CD4: variants seen among roughly 807,000 people sequenced by gnomAD.
CD4 encodes T-cell surface glycoprotein CD4.
Under a neutral mutation model 50.5 loss-of-function variants are expected in CD4, and 25 were observed. The observed-to-expected ratio is 0.49, with a 90% CI of 0.36 to 0.69. The LOEUF is 0.69. Ranked by LOEUF, CD4 falls within the 30% of genes least tolerant of loss-of-function variation. The pLI is 0.00. For missense variants in CD4, 456 were observed against 548.5 expected (o/e 0.83, Z 1.68); for synonymous variants, 207 against 221.9 (o/e 0.93, Z 0.60).
intron 3 of CD4, among the ~76,000 whole-genome samples, chr12:6,803,361 G>T (rs1336056103): frequency 6.6e-6 from 1 of 151,630 alleles, no homozygotes; most frequent in Non-Finnish European, 1.5e-5. Context: ...GTTGACCAGG[G>T]TGGTCTGGAA....
intron 3 of CD4, among the ~76,000 whole-genome samples, chr12:6,801,864 A>T (rs1555115402): frequency 7.5e-6 from 1 of 134,228 alleles, no homozygotes; most frequent in Non-Finnish European, 1.6e-5. Flanking sequence ...CCGGCCCAGA[A>T]TCATTTTTTT....
At chr12:6,798,096 T>C (rs1450483007) in intron 1 of CD4, among the ~76,000 whole-genome samples, 1 of 151,992 alleles carries the variant, frequency 6.6e-6, no homozygotes, top group Non-Finnish European at 1.5e-5. Context: ...CCTTCCACAG[T>C]GTATTGTGTC....
intron 3 of CD4, among the ~76,000 whole-genome samples, chr12:6,808,482 A>AAAAAAT (rs1942841700): frequency 2.2e-5 from 3 of 135,358 alleles, no homozygotes; most frequent in Non-Finnish European, 4.6e-5. Flanking sequence ...AAAAAAAAAA[A>AAAAAAT]GTGAAGTTTA....
Position 6,819,278 on chromosome 12 carries a change from CCTT to C in CD4, c.1347-14_1347-12del, listed in dbSNP as rs1943206792. On this transcript the variant is annotated intron_variant, in intron 9 of 9. Coordinates refer to ENST00000011653, the MANE Select transcript of CD4 (RefSeq NM_000616.5). ...GTTGCAGTGGGGACAGACCTGCTCCCCTTCTTCTTTGTTCCTGCAGCCGGTTTC... is the reference window on the plus strand; with the variant it reads ...GTTGCAGTGGGGACAGACCTGCTCCCCTTCTTTGTTCCTGCAGCCGGTTTC... 2 of 1,614,004 alleles carry C rather than the reference CCTT, an allele frequency of 1.2e-6. No homozygotes were observed. Among genetic ancestry groups the C allele is most frequent in the Non-Finnish European group, 8.5e-7 (1 of 1,179,882 alleles).
rs1292897317 is a variant in CD4 at position 6,819,439 on chromosome 12, C to T, written c.*110C>T. On this transcript the variant is annotated 3_prime_UTR_variant, in exon 10 of 10. Coordinates refer to ENST00000011653, the MANE Select transcript of CD4 (RefSeq NM_000616.5). ...GATCCCCAGCCTCTGGCCTCCTGTT[C>T]GCCTCCTCTACAATTTGCCATTGTT... 12 of 1,008,290 alleles carry T rather than the reference C, an allele frequency of 1.2e-5. No individual in the cohort carries two copies. The highest frequency in any genetic ancestry group is 1.0e-4 in the South Asian group (8 of 77,776). The allele number at this position is 1,008,290 out of a possible 1,614,324, so 62.5% of individuals were successfully genotyped here.
intron 3 of CD4, among the ~76,000 whole-genome samples, chr12:6,804,054 T>C (rs782286763): frequency 9.8e-4 from 148 of 151,660 alleles, no homozygotes; most frequent in African/African-American, 3.2e-3. Context: ...GAGGTTGCAG[T>C]GAGCTGAGAT....
At position 6,816,278 on chromosome 12, in the gene CD4, A is replaced by C. The variant is rs1555117930; in HGVS notation, c.830A>C (p.Lys277Thr). 6.2e-7 allele frequency: 1 copy of C among 1,614,218 alleles called. No individual in the cohort carries two copies. The highest frequency in any genetic ancestry group is 1.7e-5 in the Admixed American group (1 of 60,036). Residue 277 changes from lysine to threonine, a missense_variant, in exon 6 of 10, where the codon AAG becomes ACG. By Grantham distance (78) the Lys-to-Thr change is moderately conservative. Coordinates refer to ENST00000011653, the MANE Select transcript of CD4 (RefSeq NM_000616.5). The surrounding 1 kb of genome is among the most constrained non-coding windows in gnomAD (Gnocchi z 4.9). ...TQDPKLQMGK[K>T]LPLHLTLPQA... ...GACCCTAAGCTCCAGATGGGCAAGAAGCTCCCGCTCCACCTCACCCTGCCC... is the reference window on the plus strand; with the variant it reads ...GACCCTAAGCTCCAGATGGGCAAGACGCTCCCGCTCCACCTCACCCTGCCC...
rs782556070 is a variant in CD4, at chr12:6,817,299, G to A, written c.1125G>A (p.Ser375=). 2.6e-6 allele frequency: 4 copies of A among 1,566,686 alleles called. No homozygotes were observed. The highest frequency in any genetic ancestry group is 1.4e-5 in the African/African-American group (1 of 73,688). Residue 375 remains serine (S), a synonymous_variant, in exon 7 of 10, where the codon TCG becomes TCA. Transcript: ENST00000011653. Reference sequence around the variant, plus strand: ...TGTGGCAGTGTCTGCTGAGTGACTCGGGACAGGTCCTGCTGGAATCCAACA... The same window carrying A: ...TGTGGCAGTGTCTGCTGAGTGACTCAGGACAGGTCCTGCTGGAATCCAACA... ...AGMWQCLLSD[S]GQVLLESNIK...
At chr12:6,819,218 T>C in intron 9 of CD4, 81 bp from the exon 10 acceptor site, 2 of 1,403,408 alleles carry the variant, frequency 1.4e-6, no homozygotes, top group South Asian at 2.3e-5. Context: ...TGTGCTGCGC[T>C]GGAAAGGCCA....
At chr12:6,817,409 C>T (rs1471232608) in intron 7 of CD4, 79 bp downstream of exon 7, 12 of 1,274,674 alleles carry the variant, frequency 9.4e-6, no homozygotes, top group South Asian at 3.9e-5. Context: ...CCCAGAGTCC[C>T]GGCCTCCCAA....
At chr12:6,795,056 G>A (rs952979860) in intron 1 of CD4, among the ~76,000 whole-genome samples, 3 of 151,308 alleles carry the variant, frequency 2.0e-5, no homozygotes, top group East Asian at 2.0e-4. Context: ...AAAGTGCTGG[G>A]AGTACAGGTG....
rs1250342652 is a variant in CD4 at position 6,815,904 on chromosome 12, T to C, written c.608-152T>C. 3.1e-5 allele frequency: 47 copies of C among 1,520,302 alleles called. No homozygotes were observed. The Admixed American group carries it at 8.4e-4, about 27-fold the overall frequency. The allele number at this position is 1,520,302 out of a possible 1,614,324, so 94.2% of individuals were successfully genotyped here. The stretch of plus-strand genomic sequence containing the variant: ...AAGAAGGGAGAGAAGGCTGGAGAGG[T>C]AGGAAGGAACTGAAGTATCTGAAGT... On this transcript the variant is annotated intron_variant, in intron 5 of 9. Coordinates refer to ENST00000011653, the MANE Select transcript of CD4 (RefSeq NM_000616.5).
chr12:6,818,822 G>T lies in CD4; in HGVS notation c.1279-25G>T, dbSNP rs782528984. The stretch of plus-strand genomic sequence containing the variant: ...CCTTCTGGAGGCCTGGGACCCTCGT[G>T]ACTCCCTTTCTTGTCCCTGGACAGC... On this transcript the variant is annotated intron_variant, in intron 8 of 9. Coordinates refer to ENST00000011653, the MANE Select transcript of CD4 (RefSeq NM_000616.5). The surrounding 1 kb of genome is among the most constrained non-coding windows in gnomAD (Gnocchi z 5.0). The T allele has an allele frequency of 4.4e-6, 7 of 1,609,036 alleles. No homozygotes were observed. The highest frequency in any genetic ancestry group is 1.1e-5 in the South Asian group (1 of 90,946).
intron 3 of CD4, among the ~76,000 whole-genome samples, chr12:6,807,083 TG>T (rs1283613326): frequency 8.6e-5 from 13 of 151,850 alleles, no homozygotes; most frequent in African/African-American, 3.1e-4. Context: ...AGGAGAATGG[TG>T]TGAACCCGGG....
chr12:6,805,856 C>A (rs1029670360), intron 3 of CD4, among the ~76,000 whole-genome samples: 1 of 151,996 alleles, frequency 6.6e-6, no homozygotes. Context: ...GTGGGAAGAT[C>A]GCTTGAGCCC....
intron 3 of CD4, among the ~76,000 whole-genome samples, chr12:6,805,943 G>T (rs1228764031): frequency 6.6e-6 from 1 of 151,878 alleles, no homozygotes; most frequent in Admixed American, 6.6e-5. Flanking sequence ...GACAAAGGGA[G>T]ACCCTGTCTC....
chr12:6,803,970 G>A (rs1386104618), intron 3 of CD4, among the ~76,000 whole-genome samples: 3 of 151,346 alleles, frequency 2.0e-5, no homozygotes, highest in African/African-American at 4.9e-5. Flanking sequence ...AGTCATCCAG[G>A]TGTGGTGGCA....
In CD4 at chr12:6,792,977, AAGAG is replaced by A. The variant is rs948388377; in HGVS notation, c.-68+3325_-68+3328del. ...GCAAGGAGGGAGAGAGAGAGACAGA[AAGAG>A]AGAGAGAGACGTGCCAGGGCTTGAG... On this transcript the variant is annotated intron_variant, in intron 1 of 9. Transcript: ENST00000011653. The surrounding 1 kb of genome is among the most constrained non-coding windows in gnomAD (Gnocchi z 4.1). Among the ~76,000 whole-genome samples, 1 of 151,758 alleles carries A rather than the reference AAGAG, an allele frequency of 6.6e-6. No individual in the cohort carries two copies. The highest frequency in any genetic ancestry group is 2.4e-5 in the African/African-American group (1 of 41,418).
chr12:6,817,786 C>T (rs781949802), intron 7 of CD4, among the ~76,000 whole-genome samples: 6 of 147,626 alleles, frequency 4.1e-5, no homozygotes, highest in African/African-American at 1.5e-4. Flanking sequence ...ACACTCACAC[C>T]CACACTCTCA....
Sources: allele counts gnomAD v4.1 joint callset (sites outside exome capture counted in the v4.1 genomes callset), GRCh38; gene constraint gnomAD v4.1.1; non-coding constraint Gnocchi (gnomAD v3.1); transcripts MANE v1.5; gene names NCBI Gene and HGNC (gene_info 2026-07-23, HGNC 2026-07-21).